EPHA6: variants seen among roughly 807,000 people sequenced by gnomAD.
The protein encoded by EPHA6 is ephrin type-A receptor 6.
Under a neutral mutation model 112.0 loss-of-function variants are expected in EPHA6, and 50 were observed. That is an observed-to-expected ratio of 0.45 (90% CI 0.36 to 0.56). EPHA6 has a LOEUF of 0.56. EPHA6 is among the 20% of genes least tolerant of loss of function. EPHA6 has a pLI of 0.00. For missense variants in EPHA6, 1,280 were observed against 1,417.4 expected, an observed-to-expected ratio of 0.90 and a Z score of 1.56; for synonymous variants, 529 against 490.7, an observed-to-expected ratio of 1.08 and a Z score of -1.03.
intron 12 of EPHA6, among the ~76,000 whole-genome samples, chr3:97,596,273 A>G (rs1249705659): frequency 6.6e-6 from 1 of 152,146 alleles, no homozygotes; most frequent in Non-Finnish European, 1.5e-5. Flanking sequence ...CTTTAACTTA[A>G]TTATGTTGTC....
intron 6 of EPHA6, among the ~76,000 whole-genome samples, chr3:97,436,847 T>G (rs996502241): frequency 6.6e-6 from 1 of 152,154 alleles, no homozygotes; most frequent in Admixed American, 6.6e-5. Flanking sequence ...TTTATTACTC[T>G]TAATCTGTCC....
intron 3 of EPHA6, among the ~76,000 whole-genome samples, chr3:97,052,379 T>C (rs1438529425): frequency 6.6e-6 from 1 of 152,088 alleles, no homozygotes; most frequent in Non-Finnish European, 1.5e-5. Flanking sequence ...CTCTGAGGAG[T>C]GATGCTTCTG....
intron 3 of EPHA6, among the ~76,000 whole-genome samples, chr3:97,065,113 C>T (rs1184169800): frequency 1.3e-5 from 2 of 151,846 alleles, no homozygotes; most frequent in East Asian, 1.9e-4. Flanking sequence ...AACTAATGGG[C>T]CTTTACAGAG....
At chr3:97,261,592 G>A (rs1404848144) in intron 5 of EPHA6, among the ~76,000 whole-genome samples, 1 of 152,020 alleles carries the variant, frequency 6.6e-6, no homozygotes, top group Non-Finnish European at 1.5e-5. Flanking sequence ...ACATTTATAG[G>A]ACAACAGCTT....
At chr3:97,162,940 A>G (rs1381103740) in intron 3 of EPHA6, among the ~76,000 whole-genome samples, 1 of 152,106 alleles carries the variant, frequency 6.6e-6, no homozygotes, top group Non-Finnish European at 1.5e-5. Context: ...TCTGCTGTGC[A>G]TTATCATAAC....
intron 5 of EPHA6, among the ~76,000 whole-genome samples, chr3:97,276,176 G>C (rs1411417694): frequency 6.6e-6 from 1 of 152,126 alleles, no homozygotes; most frequent in Non-Finnish European, 1.5e-5. Flanking sequence ...TCCACTGTGA[G>C]AGTTACCCGA....
At chr3:97,613,150 T>C (rs2093734845) in intron 13 of EPHA6, among the ~76,000 whole-genome samples, 1 of 152,122 alleles carries the variant, frequency 6.6e-6, no homozygotes, top group African/African-American at 2.4e-5. Flanking sequence ...TTTGTAATCA[T>C]CTCTCTTCTT....
intron 2 of EPHA6, among the ~76,000 whole-genome samples, chr3:96,900,859 GAGTCTTGT>G: frequency 6.6e-6 from 1 of 152,340 alleles, no homozygotes; most frequent in Non-Finnish European, 1.5e-5. Context: ...CATCGTTACT[GAGTCTTGT>G]AGTTCTTATG....
chr3:97,592,513 T>G, intron 11 of EPHA6, 99 bp from the exon 12 acceptor site: 1 of 1,392,638 alleles, frequency 7.2e-7, no homozygotes, highest in Non-Finnish European at 9.9e-7. Context: ...CTTCGTAAAA[T>G]TTGATGTCTT....
chr3:97,665,676 GT>G (rs1415124864), intron 14 of EPHA6, among the ~76,000 whole-genome samples: 1 of 152,062 alleles, frequency 6.6e-6, no homozygotes, highest in Admixed American at 6.6e-5. Context: ...ACTTTTCCTG[GT>G]TTTTATCTAA....
intron 3 of EPHA6, among the ~76,000 whole-genome samples, chr3:97,159,446 C>T (rs768192042): frequency 2.6e-5 from 4 of 152,144 alleles, no homozygotes; most frequent in South Asian, 4.1e-4. Context: ...GAACCAGAAA[C>T]AAATATTTTC....
At chr3:97,186,227 T>G in intron 3 of EPHA6, among the ~76,000 whole-genome samples, 1 of 151,958 alleles carries the variant, frequency 6.6e-6, no homozygotes, top group South Asian at 2.1e-4. Context: ...AAAAATGTCA[T>G]CCTCAAGAAC....
intron 1 of EPHA6, among the ~76,000 whole-genome samples, chr3:96,822,022 G>C (rs1244345776): frequency 6.6e-6 from 1 of 151,878 alleles, no homozygotes; most frequent in African/African-American, 2.4e-5. Flanking sequence ...AGGGAAGAGA[G>C]TAAAGAATTG....
chr3:97,590,941 A>G (rs1243625066), intron 11 of EPHA6, among the ~76,000 whole-genome samples: 2 of 152,192 alleles, frequency 1.3e-5, no homozygotes, highest in African/African-American at 4.8e-5. Flanking sequence ...ACAGACACAT[A>G]TTAACTTTGT....
chr3:97,032,791 T>G (rs972751540), intron 3 of EPHA6, among the ~76,000 whole-genome samples: 3 of 151,964 alleles, frequency 2.0e-5, no homozygotes, highest in Non-Finnish European at 4.4e-5. Flanking sequence ...CCCCAGACCT[T>G]ACCTATTGCC....
At chr3:97,516,006 C>T (rs1291181738) in intron 10 of EPHA6, among the ~76,000 whole-genome samples, 3 of 151,180 alleles carry the variant, frequency 2.0e-5, no homozygotes, top group Middle Eastern at 3.5e-3. Flanking sequence ...CTAGACCTTA[C>T]GGACCTAGCA....
intron 8 of EPHA6, among the ~76,000 whole-genome samples, chr3:97,477,535 T>TAATG (rs941189542): frequency 2.6e-5 from 4 of 151,274 alleles, no homozygotes; most frequent in African/African-American, 9.7e-5. Flanking sequence ...CAGTGAGGGT[T>TAATG]AATGGCGCAA....
chr3:96,998,140 A>C (rs1177558362), intron 3 of EPHA6, among the ~76,000 whole-genome samples: 1 of 151,976 alleles, frequency 6.6e-6, no homozygotes, highest in Non-Finnish European at 1.5e-5. Flanking sequence ...AGTCAAATTT[A>C]TGTAAATAAA....
chr3:97,445,526 A>C (rs1208512176), intron 6 of EPHA6, among the ~76,000 whole-genome samples: 1 of 152,180 alleles, frequency 6.6e-6, no homozygotes, highest in African/African-American at 2.4e-5. Context: ...AAAACTTATG[A>C]AGTATAACTA....
Sources: gnomAD v4.1 joint callset for allele counts (sites outside exome capture counted in the v4.1 genomes callset) on GRCh38, gnomAD v4.1.1 for gene constraint, MANE v1.5 for transcripts, NCBI Gene and HGNC (gene_info 2026-07-23, HGNC 2026-07-21) for gene names.